LOXL2: variants seen among roughly 807,000 people sequenced by gnomAD.
LOXL2 encodes the protein lysyl oxidase homolog 2.
Under a neutral mutation model 93.0 loss-of-function variants are expected in LOXL2, and 70 were observed. The observed-to-expected ratio is 0.75, with a 90% CI of 0.62 to 0.92. The LOEUF (loss-of-function observed/expected upper bound fraction) is 0.92. Ranked by LOEUF, LOXL2 falls within the 40% of genes least tolerant of loss-of-function variation. LOXL2 has a pLI of 0.00. For missense variants in LOXL2, 973 were observed against 1,054.9 expected (o/e 0.92, Z 1.08); for synonymous variants, 438 against 413.2 (o/e 1.06, Z -0.73).
chr8:23,383,339 GATGGTTAAA>G (rs1804706520), intron 1 of LOXL2, among the ~76,000 whole-genome samples: 1 of 152,086 alleles, frequency 6.6e-6, no homozygotes, highest in South Asian at 2.1e-4. Flanking sequence ...GTGTGTGTAT[GATGGTTAAA>G]TGAAATAATG....
chr8:23,363,993 G>C (rs1470602678), intron 2 of LOXL2: 2 of 152,244 alleles, frequency 1.3e-5, no homozygotes, highest in African/African-American at 4.8e-5. Flanking sequence ...TCCCACCTCA[G>C]CCTCCCAAGT....
intron 3 of LOXL2, among the ~76,000 whole-genome samples, chr8:23,357,947 G>T (rs1424705403): frequency 1.3e-5 from 2 of 152,182 alleles, no homozygotes; most frequent in Non-Finnish European, 2.9e-5. Context: ...TGGAGATGTT[G>T]TTCCCATTAG....
In LOXL2 at chr8:23,334,863, C is replaced by T. The variant is rs1490397545; in HGVS notation, c.744-1240G>A. On this transcript the variant is annotated intron_variant, in intron 4 of 13. Coordinates refer to ENST00000389131, the MANE Select transcript of LOXL2 (RefSeq NM_002318.3). ...ATGGAGTCTCACTCTGTTGCCCAGG[C>T]TGGAGTGCTTTGGCGCGATCTTAAC... Among the ~76,000 whole-genome samples the T allele has an allele frequency of 4.0e-5, 6 of 150,300 alleles. No individual in the cohort carries two copies. The East Asian group carries it at 1.2e-3, about 29-fold the overall frequency.
intron 3 of LOXL2, among the ~76,000 whole-genome samples, chr8:23,357,660 A>G (rs912766864): frequency 2.0e-5 from 3 of 149,926 alleles, no homozygotes; most frequent in Non-Finnish European, 3.0e-5. Flanking sequence ...TTTTTTTTTC[A>G]AGCCATCAAT....
At chr8:23,336,282 C>G (rs779832401) in intron 4 of LOXL2, 1 of 152,544 alleles carries the variant, frequency 6.6e-6, no homozygotes, top group Non-Finnish European at 1.5e-5. Context: ...CCCAGCAGCC[C>G]GGATCCCTCT....
Position 23,319,935 on chromosome 8 carries a change from T to C in LOXL2, c.1420A>G (p.Met474Val), listed in dbSNP as rs769539885. 3.7e-6 allele frequency: 6 copies of C among 1,613,882 alleles called. No individual in the cohort carries two copies. Among genetic ancestry groups the C allele is most frequent in the Non-Finnish European group, 4.2e-6 (5 of 1,179,946 alleles). ...AGGCCCAGCTGGCGGCAGACCACCA[T>C]GGCCTCCACGATGCCCCAGTTTTGG... ...CGQNWGIVEA[M>V]VVCRQLGLGF... Residue 474 changes from methionine (M) to valine (V), a missense_variant, in exon 8 of 14, where the codon ATG becomes GTG. Physicochemically the swap from Met to Val is conservative, Grantham distance 21. Transcript: ENST00000389131.
intron 10 of LOXL2, among the ~76,000 whole-genome samples, chr8:23,306,869 G>A (rs1431890452): frequency 6.6e-6 from 1 of 152,236 alleles, no homozygotes; most frequent in Non-Finnish European, 1.5e-5. Context: ...AGAGGCAGGA[G>A]AGAGAGGCAT....
chr8:23,322,462 T>C (rs192886501), intron 6 of LOXL2, among the ~76,000 whole-genome samples, 181 bp from the exon 7 acceptor site: 1 of 152,310 alleles, frequency 6.6e-6, no homozygotes, highest in Non-Finnish European at 1.5e-5. Flanking sequence ...CTAATTCTCT[T>C]GGGATTCACT....
At chr8:23,400,943 A>G (rs566111814) in intron 1 of LOXL2, among the ~76,000 whole-genome samples, 1 of 152,306 alleles carries the variant, frequency 6.6e-6, no homozygotes, top group Admixed American at 6.5e-5. Flanking sequence ...CCAATTACTA[A>G]TATTTACACA....
intron 10 of LOXL2, among the ~76,000 whole-genome samples, chr8:23,306,384 C>A (rs1803229383): frequency 6.6e-6 from 1 of 152,218 alleles, no homozygotes. Context: ...ACGGTGGGGG[C>A]AACACTCCTG....
chr8:23,394,108 C>T (rs1442732138), intron 1 of LOXL2, among the ~76,000 whole-genome samples: 1 of 151,878 alleles, frequency 6.6e-6, no homozygotes, highest in Non-Finnish European at 1.5e-5. Context: ...GACAAGAAAC[C>T]CAGGCTAGGC....
chr8:23,327,255 A>G (rs941018563), intron 6 of LOXL2, among the ~76,000 whole-genome samples: 2 of 152,232 alleles, frequency 1.3e-5, no homozygotes, highest in African/African-American at 4.8e-5. Context: ...GAAGGAGGAA[A>G]GCTCTACGGT....
At chr8:23,304,135 G>A (rs749685927) in intron 10 of LOXL2, among the ~76,000 whole-genome samples, 6 of 152,368 alleles carry the variant, frequency 3.9e-5, no homozygotes, top group East Asian at 1.9e-4. Flanking sequence ...ACACAGCAGC[G>A]GCAAAGGGAG....
intron 12 of LOXL2, among the ~76,000 whole-genome samples, chr8:23,301,660 G>A (rs1803133113): frequency 6.6e-6 from 1 of 152,190 alleles, no homozygotes; most frequent in Non-Finnish European, 1.5e-5. Context: ...AGGAGAAATG[G>A]GGATGGTGGA....
At chr8:23,350,627 A>G (rs1191166605) in intron 3 of LOXL2, among the ~76,000 whole-genome samples, 2 of 152,236 alleles carry the variant, frequency 1.3e-5, no homozygotes, top group Non-Finnish European at 2.9e-5. Context: ...GATGGAAGAA[A>G]GTGACAGAGG....
At chr8:23,390,967 G>C (rs964257574) in intron 1 of LOXL2, among the ~76,000 whole-genome samples, 1 of 152,066 alleles carries the variant, frequency 6.6e-6, no homozygotes, top group South Asian at 2.1e-4. Flanking sequence ...AAGGTGAAAG[G>C]CACGTCTTAC....
In LOXL2 at chr8:23,297,620, G is replaced by A. The variant is rs1232066976; in HGVS notation, c.*423C>T. 6.1e-6 allele frequency: 1 copy of A among 163,594 alleles called. No individual in the cohort carries two copies. Among genetic ancestry groups the A allele is most frequent in the African/African-American group, 2.4e-5 (1 of 41,808 alleles). The allele number at this position is 163,594 out of a possible 1,614,324, so 10.1% of individuals were successfully genotyped here. On this transcript the variant is annotated 3_prime_UTR_variant, in exon 14 of 14. Transcript: ENST00000389131. ...AAATGACCTAAGAGGAGGAGAAATG[G>A]GGTTCGGCCTGACCCTCTCTGGGGG...
chr8:23,314,729 C>T (rs1261802865), intron 9 of LOXL2, among the ~76,000 whole-genome samples: 2 of 151,110 alleles, frequency 1.3e-5, no homozygotes, highest in Admixed American at 6.6e-5. Context: ...ACCAGCATGG[C>T]ACATGTATAC....
At chr8:23,374,422 G>A (rs1361232223) in intron 1 of LOXL2, among the ~76,000 whole-genome samples, 2 of 152,100 alleles carry the variant, frequency 1.3e-5, no homozygotes, top group Non-Finnish European at 2.9e-5. Flanking sequence ...GTGTGCATGC[G>A]CCTTTACAGC....
Sources: allele counts gnomAD v4.1 joint callset (sites outside exome capture counted in the v4.1 genomes callset), GRCh38; gene constraint gnomAD v4.1.1; transcripts MANE v1.5; gene names NCBI Gene and HGNC (gene_info 2026-07-23, HGNC 2026-07-21).